TENM3: variants seen among roughly 807,000 people sequenced by gnomAD.
The protein encoded by TENM3 is teneurin transmembrane protein 3, also known as teneurin-3.
TENM3 carries 63 observed loss-of-function variants against 255.1 expected under a neutral mutation model. That is an observed-to-expected ratio of 0.25 (90% CI 0.20 to 0.30). The LOEUF (loss-of-function observed/expected upper bound fraction) is 0.30. TENM3 is among the 10% of genes least tolerant of loss of function. The pLI, the probability that TENM3 is intolerant of heterozygous loss-of-function variation, is 1.00. For missense variants in TENM3, 2,929 were observed against 3,461.1 expected (o/e 0.85, Z 3.86); for synonymous variants, 1,306 against 1,322.3 (o/e 0.99, Z 0.27).
At chr4:181,890,023 A>G in the TENM3 span, among the ~76,000 whole-genome samples, 5 of 152,192 alleles carry the variant, frequency 3.3e-5, no homozygotes, top group African/African-American at 1.2e-4. Flanking sequence ...AGAGGGACTA[A>G]TAGTTAGATT....
the TENM3 span, among the ~76,000 whole-genome samples, chr4:181,557,508 A>G: frequency 6.6e-6 from 1 of 152,160 alleles, no homozygotes; most frequent in African/African-American, 2.4e-5. Flanking sequence ...GGCAAAGTAC[A>G]CACGTCTCCA....
the TENM3 span, among the ~76,000 whole-genome samples, chr4:181,526,151 TA>T: frequency 6.6e-6 from 1 of 152,186 alleles, no homozygotes; most frequent in Non-Finnish European, 1.5e-5. Flanking sequence ...ATCGTGAATT[TA>T]AACGATTGGC....
the TENM3 span, among the ~76,000 whole-genome samples, chr4:181,745,963 A>G: frequency 0.022 from 3,374 of 152,268 alleles, 134 homozygotes; most frequent in African/African-American, 0.077. Context: ...TTACCAAATG[A>G]ATATTTAGGA....
the TENM3 span, among the ~76,000 whole-genome samples, chr4:181,987,941 A>G: frequency 6.6e-6 from 1 of 152,082 alleles, no homozygotes; most frequent in Non-Finnish European, 1.5e-5. Context: ...GCTGAGCTGG[A>G]GGAAAGATGA....
chr4:182,416,652 A>T (rs1368540924), intron 3 of TENM3, among the ~76,000 whole-genome samples: 1 of 152,208 alleles, frequency 6.6e-6, no homozygotes, highest in Non-Finnish European at 1.5e-5. Flanking sequence ...TGACCAAGTC[A>T]GTACCACTCT....
chr4:182,714,869 C>T (rs1759031615), intron 13 of TENM3, among the ~76,000 whole-genome samples: 1 of 152,062 alleles, frequency 6.6e-6, no homozygotes, highest in Admixed American at 6.6e-5. Context: ...ATAGTTGGCC[C>T]TGATAGCTGT....
At chr4:182,016,516 C>T in the TENM3 span, among the ~76,000 whole-genome samples, 5 of 152,228 alleles carry the variant, frequency 3.3e-5, no homozygotes, top group South Asian at 2.1e-4. Flanking sequence ...TGTGCATTTT[C>T]CCCTTGGCTT....
intron 3 of TENM3, among the ~76,000 whole-genome samples, chr4:182,470,143 A>G (rs1288080714): frequency 6.6e-6 from 1 of 152,142 alleles, no homozygotes; most frequent in Non-Finnish European, 1.5e-5. Context: ...ATGGGCCCCT[A>G]AAGTCATTTA....
the TENM3 span, among the ~76,000 whole-genome samples, chr4:181,968,674 G>A: frequency 4.1e-4 from 62 of 152,176 alleles, no homozygotes; most frequent in African/African-American, 1.5e-3. Flanking sequence ...TACTACTTTG[G>A]AATTTGTCTC....
Position 182,629,023 on chromosome 4 carries a change from A to G in TENM3, c.988+134A>G, listed in dbSNP as rs1046936873. On this transcript the variant is annotated intron_variant, in intron 5 of 27. Coordinates refer to ENST00000511685, the MANE Select transcript of TENM3 (RefSeq NM_001080477.4). ...GTGGGGGTGAGTTTGGTAATAATGT[A>G]TCATAAATCACAGAGTATTTTCAGT... 33 of 640,878 alleles carry G rather than the reference A, an allele frequency of 5.1e-5. 1 individual carries two copies. The highest frequency in any genetic ancestry group is 8.6e-5 in the Non-Finnish European group (32 of 372,818). The allele number at this position is 640,878 out of a possible 1,614,324, so 39.7% of individuals were successfully genotyped here.
chr4:182,395,238 G>A (rs1446444265), intron 3 of TENM3, among the ~76,000 whole-genome samples: 2 of 152,118 alleles, frequency 1.3e-5, no homozygotes, highest in African/African-American at 2.4e-5. Context: ...GTAACATTGA[G>A]CCTCCTATAC....
chr4:182,518,316 T>A (rs1172458069), intron 3 of TENM3, among the ~76,000 whole-genome samples: 1 of 151,996 alleles, frequency 6.6e-6, no homozygotes, highest in Non-Finnish European at 1.5e-5. Context: ...TGACTGTGAG[T>A]GGGATCTGTG....
At chr4:182,370,984 G>C (rs1276250697) in intron 3 of TENM3, among the ~76,000 whole-genome samples, 1 of 151,696 alleles carries the variant, frequency 6.6e-6, no homozygotes, top group Non-Finnish European at 1.5e-5. Flanking sequence ...TTTTTTTCCT[G>C]CTTTTGTCCT....
At chr4:181,821,930 G>A in the TENM3 span, among the ~76,000 whole-genome samples, 11 of 152,272 alleles carry the variant, frequency 7.2e-5, no homozygotes, top group Admixed American at 5.2e-4. Flanking sequence ...CATTTAACTC[G>A]GTTGTTTTGG....
intron 1 of TENM3, among the ~76,000 whole-genome samples, chr4:182,292,357 AT>A (rs201746632): frequency 0.014 from 2,073 of 152,328 alleles, 19 homozygotes; most frequent in Middle Eastern, 0.041. Context: ...CCTCAAAAAA[AT>A]GAACAGTGCC....
the TENM3 span, among the ~76,000 whole-genome samples, chr4:182,007,855 C>T: frequency 3.7e-3 from 563 of 152,284 alleles, 9 homozygotes; most frequent in African/African-American, 0.013. Context: ...TTTGCAGTGG[C>T]TGCTACTGGT....
upstream of TENM3, chr4:182,144,039 T>C (rs774183774): frequency 6.6e-6 from 1 of 152,404 alleles, no homozygotes; most frequent in Non-Finnish European, 1.5e-5. Context: ...GAAGAAGAAA[T>C]AAAGTACCTG....
intron 1 of TENM3, among the ~76,000 whole-genome samples, chr4:182,290,809 C>G (rs1761073447): frequency 7.0e-6 from 1 of 143,814 alleles, no homozygotes; most frequent in Admixed American, 7.0e-5. Context: ...GGCCAAAAAG[C>G]CTTTTAAATA....
intron 3 of TENM3, among the ~76,000 whole-genome samples, chr4:182,473,479 C>G (rs1182995291): frequency 2.0e-5 from 3 of 152,136 alleles, no homozygotes; most frequent in East Asian, 3.9e-4. Flanking sequence ...CGAGACCATG[C>G]TGGCTAACAC....
Sources: gnomAD v4.1 joint callset for allele counts (sites outside exome capture counted in the v4.1 genomes callset) on GRCh38, gnomAD v4.1.1 for gene constraint, MANE v1.5 for transcripts, NCBI Gene and HGNC (gene_info 2026-07-23, HGNC 2026-07-21) for gene names.